SUPT3H: variants seen among roughly 807,000 people sequenced by gnomAD.
The protein encoded by SUPT3H is SPT3 homolog, SAGA and STAGA complex component.
A neutral mutation model predicts 44.3 loss-of-function variants in SUPT3H; 44 were observed. The observed-to-expected ratio is 0.99, with a 90% CI of 0.78 to 1.28. The LOEUF (loss-of-function observed/expected upper bound fraction) is 1.28. Among genes scored for constraint, SUPT3H ranks in the 50% most tolerant of loss-of-function variants. The pLI is 0.00. For synonymous variants in SUPT3H, 124 were observed against 125.6 expected, an observed-to-expected ratio of 0.99 and a Z score of 0.09; for missense variants, 380 against 387.1, an observed-to-expected ratio of 0.98 and a Z score of 0.15.
intron 2 of SUPT3H, among the ~76,000 whole-genome samples, chr6:45,126,652 C>T (rs59248696): frequency 0.025 from 3,742 of 152,006 alleles, 169 homozygotes; most frequent in African/African-American, 0.085. Flanking sequence ...ACAGTGTTAG[C>T]GATGTAAGGA....
intron 2 of SUPT3H, among the ~76,000 whole-genome samples, chr6:45,164,695 G>C (rs560949179): frequency 6.6e-6 from 1 of 152,254 alleles, no homozygotes; most frequent in African/African-American, 2.4e-5. Flanking sequence ...AAAGTCTGAG[G>C]AGTGTTTCAC....
At chr6:45,377,469 T>C (rs947050652) in intron 1 of SUPT3H, 10 of 152,024 alleles carry the variant, frequency 6.6e-5, no homozygotes, top group African/African-American at 2.2e-4. Flanking sequence ...ACCCCGCTTC[T>C]CAGCACAGCC....
At chr6:44,949,452 G>GA (rs557999680) in intron 9 of SUPT3H, among the ~76,000 whole-genome samples, 2 of 151,428 alleles carry the variant, frequency 1.3e-5, no homozygotes, top group East Asian at 1.9e-4. Flanking sequence ...AGAAAAAAAA[G>GA]AAAAAAATTG....
At chr6:45,215,164 C>T (rs1436405806) in intron 2 of SUPT3H, among the ~76,000 whole-genome samples, 1 of 152,148 alleles carries the variant, frequency 6.6e-6, no homozygotes, top group Admixed American at 6.5e-5. Context: ...ACTCAACCAA[C>T]ATGATAGGAC....
chr6:45,102,938 C>CAAA (rs1191808733), intron 3 of SUPT3H, among the ~76,000 whole-genome samples: 2 of 118,984 alleles, frequency 1.7e-5, no homozygotes, highest in African/African-American at 6.4e-5. Context: ...GACTCCGTCT[C>CAAA]AAAAAAAAGA....
At chr6:44,985,873 A>T (rs993043559) in intron 6 of SUPT3H, among the ~76,000 whole-genome samples, 2 of 152,172 alleles carry the variant, frequency 1.3e-5, no homozygotes, top group African/African-American at 4.8e-5. Context: ...AGAGGTAAGC[A>T]ATCTGATTCA....
intron 3 of SUPT3H, among the ~76,000 whole-genome samples, chr6:45,026,974 T>C (rs2153521605): frequency 6.7e-6 from 1 of 149,254 alleles, no homozygotes; most frequent in East Asian, 2.0e-4. Context: ...TCTACTCTTC[T>C]GCTTTGGATC....
intron 2 of SUPT3H, among the ~76,000 whole-genome samples, chr6:45,341,882 C>T (rs541867920): frequency 7.2e-5 from 11 of 152,060 alleles, no homozygotes; most frequent in South Asian, 6.2e-4. Flanking sequence ...CATCAGAAGC[C>T]ACTAAAAAGA....
intron 2 of SUPT3H, among the ~76,000 whole-genome samples, chr6:45,170,746 C>A (rs913517212): frequency 6.6e-6 from 1 of 152,100 alleles, no homozygotes; most frequent in African/African-American, 2.4e-5. Context: ...TTGGATCCTA[C>A]AATTACTTTT....
At chr6:45,336,777 T>C (rs1399004962) in intron 2 of SUPT3H, among the ~76,000 whole-genome samples, 1 of 151,530 alleles carries the variant, frequency 6.6e-6, no homozygotes, top group Non-Finnish European at 1.5e-5. Context: ...TTTTCTATAA[T>C]ATAACTTCAT....
intron 2 of SUPT3H, among the ~76,000 whole-genome samples, chr6:45,132,258 G>A (rs563500869): frequency 9.2e-5 from 14 of 152,276 alleles, no homozygotes; most frequent in African/African-American, 2.9e-4. Context: ...TCCAAACTGA[G>A]AGAGAGGAAG....
rs1582161398 is a variant in SUPT3H, at chr6:44,879,173, T to C, written c.913-49316A>G. Reference sequence around the variant, plus strand: ...TGGAGCCCAGCAAGCTAAGATCCACTGGCTTGAAATTCTTGCTGCCAGCAC... The same window carrying C: ...TGGAGCCCAGCAAGCTAAGATCCACCGGCTTGAAATTCTTGCTGCCAGCAC... On this transcript the variant is annotated intron_variant, in intron 10 of 10. Coordinates refer to ENST00000371459, the MANE Select transcript of SUPT3H (RefSeq NM_003599.4). Among the ~76,000 whole-genome samples the C allele has an allele frequency of 1.3e-5, 2 of 152,336 alleles. 1 individual carries two copies. Among genetic ancestry groups the C allele is most frequent in the East Asian group, 3.9e-4 (2 of 5,180 alleles).
intron 2 of SUPT3H, among the ~76,000 whole-genome samples, chr6:45,109,746 A>G (rs1333713143): frequency 6.6e-6 from 1 of 152,212 alleles, no homozygotes; most frequent in Non-Finnish European, 1.5e-5. Flanking sequence ...ACCTGGCCAC[A>G]GTCACTTCCT....
At chr6:44,837,672 T>G (rs1321499889) in intron 10 of SUPT3H, among the ~76,000 whole-genome samples, 1 of 152,238 alleles carries the variant, frequency 6.6e-6, no homozygotes, top group Non-Finnish European at 1.5e-5. Flanking sequence ...TGAAAAGTTA[T>G]GCATCAATCA....
intron 10 of SUPT3H, among the ~76,000 whole-genome samples, chr6:44,924,625 C>A (rs574640883): frequency 1.3e-5 from 2 of 152,032 alleles, no homozygotes; most frequent in Non-Finnish European, 2.9e-5. Flanking sequence ...AGCTGCTGTA[C>A]ACAGAAAAGG....
chr6:44,953,774 C>T (rs997573934), intron 8 of SUPT3H, among the ~76,000 whole-genome samples: 1 of 151,996 alleles, frequency 6.6e-6, no homozygotes, highest in South Asian at 2.1e-4. Flanking sequence ...TCTTGTTGCC[C>T]AGGCTGGAGT....
intron 10 of SUPT3H, among the ~76,000 whole-genome samples, chr6:44,918,966 T>C (rs1377179139): frequency 6.6e-6 from 1 of 152,196 alleles, no homozygotes; most frequent in Non-Finnish European, 1.5e-5. Flanking sequence ...TCTTACAGAC[T>C]GGAAGTGCTT....
chr6:44,947,571 T>G (rs1343810236), intron 9 of SUPT3H, among the ~76,000 whole-genome samples: 5 of 152,150 alleles, frequency 3.3e-5, no homozygotes, highest in Non-Finnish European at 2.9e-5. Context: ...TTTTCTTTCT[T>G]TGGCAGTAAC....
chr6:45,109,316 T>C (rs1394769987), intron 2 of SUPT3H, among the ~76,000 whole-genome samples: 2 of 152,176 alleles, frequency 1.3e-5, no homozygotes, highest in Non-Finnish European at 2.9e-5. Context: ...AGGTTTTCCT[T>C]CCATTATTCT....
Sources: allele counts gnomAD v4.1 joint callset (sites outside exome capture counted in the v4.1 genomes callset), GRCh38; gene constraint gnomAD v4.1.1; transcripts MANE v1.5; gene names NCBI Gene and HGNC (gene_info 2026-07-23, HGNC 2026-07-21).